The following ZDHHC11 variants were observed in gnomAD, a reference collection of about 807,000 sequenced individuals.
ZDHHC11 encodes zDHHC palmitoyltransferase 11.
Under a neutral mutation model 51.3 loss-of-function variants are expected in ZDHHC11, and 44 were observed. The ratio of observed to expected loss-of-function variants is 0.86; its 90% CI spans 0.67 to 1.10. ZDHHC11 has a LOEUF of 1.10. Ranked by LOEUF, ZDHHC11 falls within the 50% of genes least tolerant of loss-of-function variation. The probability of loss-of-function intolerance (pLI) is 0.00; values close to 1 mark genes in which losing one functional copy is unlikely to be tolerated. For synonymous variants in ZDHHC11, 163 were observed against 222.0 expected (o/e 0.73, Z 2.36); for missense variants, 400 against 537.7 (o/e 0.74, Z 2.53).
At chr5:821,822 C>G (rs375959493) in intron 9 of ZDHHC11, 39 bp downstream of exon 9, 1 of 1,555,396 alleles carries the variant, frequency 6.4e-7, no homozygotes, top group Non-Finnish European at 8.8e-7. Flanking sequence ...AACTATGTTA[C>G]TAATAGATAA....
In ZDHHC11 at chr5:849,358, A is replaced by T. The variant is rs191145987; in HGVS notation, c.223-698T>A. On this transcript the variant is annotated intron_variant, in intron 1 of 12. Transcript: ENST00000283441. ...TTGAGGGACAGAGCAGGGCCACAGGAGGGACATCCCAGGTATAAACACAGC... is the reference window on the plus strand; with the variant it reads ...TTGAGGGACAGAGCAGGGCCACAGGTGGGACATCCCAGGTATAAACACAGC... 3.3e-5 allele frequency among the ~76,000 whole-genome samples: 5 copies of T among 152,210 alleles called. No homozygotes were observed. The East Asian group carries it at 7.7e-4, about 24-fold the overall frequency.
intron 5 of ZDHHC11, among the ~76,000 whole-genome samples, chr5:838,847 A>AC (rs1456862638): frequency 6.8e-6 from 1 of 147,682 alleles, no homozygotes; most frequent in Admixed American, 6.6e-5. Context: ...GGCCTGCAGC[A>AC]CCCCACGTGC....
Position 857,346 on chromosome 5 carries a change from T to C in ZDHHC11, c.-1+1528A>G, listed in dbSNP as rs146543456. On this transcript the variant is annotated intron_variant, in intron 1 of 3. Coordinates refer to the ZDHHC11 transcript ENST00000685990. Reference sequence around the variant, plus strand: ...TTCTCAGACTGGGACTCCATCCTTCTCTGCACCACCACACATGAGAACCAG... The same window carrying C: ...TTCTCAGACTGGGACTCCATCCTTCCCTGCACCACCACACATGAGAACCAG... Among the ~76,000 whole-genome samples the C allele has an allele frequency of 2.9e-3, 444 of 152,278 alleles. 3 individuals carry two copies. Among genetic ancestry groups the C allele is most frequent in the African/African-American group, 0.01 (426 of 41,532 alleles).
intron 11 of ZDHHC11, 90 bp from the exon 12 acceptor site, chr5:801,254 A>G: frequency 2.0e-6 from 3 of 1,509,552 alleles, no homozygotes; most frequent in Admixed American, 3.6e-5. Flanking sequence ...TGTAAACAAG[A>G]GTACATTTTA....
chr5:860,029 G>T (rs990762549), upstream of ZDHHC11, among the ~76,000 whole-genome samples: 11 of 152,226 alleles, frequency 7.2e-5, no homozygotes, highest in African/African-American at 2.7e-4. The surrounding 1 kb of genome is among the most constrained non-coding windows in gnomAD (Gnocchi z 4.2). Context: ...GCCGGCTGAA[G>T]CCTGCTGGGT....
intron 6 of ZDHHC11, among the ~76,000 whole-genome samples, chr5:834,794 A>G (rs1027013524): frequency 3.3e-5 from 5 of 152,040 alleles, no homozygotes; most frequent in Non-Finnish European, 5.9e-5. Context: ...TTTTAGCAAT[A>G]AAGCACTTTT....
rs566153238 is a variant in ZDHHC11, at chr5:805,645, A to G, written c.1182-4481T>C. ...ATATATATGATATACACAATGCAAAAAGCTAAATAGCAGAAGTGAATCATT... is the reference window on the plus strand; with the variant it reads ...ATATATATGATATACACAATGCAAAGAGCTAAATAGCAGAAGTGAATCATT... On this transcript the variant is annotated intron_variant, in intron 11 of 12. Transcript: ENST00000283441. Among the ~76,000 whole-genome samples, 4 of 151,418 alleles carry G rather than the reference A, an allele frequency of 2.6e-5. No individual in the cohort carries two copies. In the East Asian group the frequency reaches 5.8e-4, roughly 22 times the overall value.
rs759593837 is a variant in ZDHHC11 at position 850,747 on chromosome 5, G to A, written c.-145C>T. 10 of 992,184 alleles carry A rather than the reference G, an allele frequency of 1.0e-5. No individual in the cohort carries two copies. The highest frequency in any genetic ancestry group is 2.6e-5 in the Admixed American group (1 of 38,670). The allele number at this position is 992,184 out of a possible 1,614,324, so 61.5% of individuals were successfully genotyped here. ...ATGGCCCAGCACTGCCTGGGGCCAC[G>A]TTCCCCGCAGAGGGAGCAGGGGCTG... is the stretch of plus-strand genomic sequence containing the variant. On this transcript the variant is annotated 5_prime_UTR_variant, in exon 1 of 13. The change creates a new upstream start codon in the 5' untranslated region. Transcript: ENST00000283441.
chr5:841,835 A>G, intron 4 of ZDHHC11: 2 of 993,646 alleles, frequency 2.0e-6, no homozygotes, highest in Non-Finnish European at 2.4e-6. Flanking sequence ...AGAGGGATGG[A>G]TTCAGCATGG....
chr5:857,812 CCT>C (rs373776930), intron 1 of ZDHHC11, among the ~76,000 whole-genome samples: 16 of 147,300 alleles, frequency 1.1e-4, no homozygotes, highest in South Asian at 4.4e-4. Context: ...ACCGTGGTCC[CCT>C]GAGTCTGTCC....
chr5:837,649 T>C (rs1744085284), intron 5 of ZDHHC11, among the ~76,000 whole-genome samples, 169 bp from the exon 6 acceptor site: 1 of 151,626 alleles, frequency 6.6e-6, no homozygotes, highest in Non-Finnish European at 1.5e-5. Context: ...TGCAGGTGCC[T>C]TGTGGGCCCA....
chr5:807,806 G>A (rs1739479344), intron 11 of ZDHHC11, among the ~76,000 whole-genome samples: 2 of 151,340 alleles, frequency 1.3e-5, no homozygotes, highest in South Asian at 4.2e-4. Flanking sequence ...AGGTCTGTCT[G>A]ATGCCAAAGT....
At chr5:856,656 C>T (rs1387353666) in intron 1 of ZDHHC11, among the ~76,000 whole-genome samples, 6 of 151,470 alleles carry the variant, frequency 4.0e-5, no homozygotes, top group African/African-American at 1.5e-4. Flanking sequence ...CCACACACTG[C>T]ACGTGCACCA....
chr5:843,934 GGGCGGGGGCA>G (rs1745604849), intron 3 of ZDHHC11, among the ~76,000 whole-genome samples: 2 of 94,806 alleles, frequency 2.1e-5, no homozygotes, highest in African/African-American at 9.2e-5. Flanking sequence ...TCTGAGGCAG[GGGCGGGGGCA>G]TGCAGGGCAG....
At position 819,685 on chromosome 5, in the gene ZDHHC11, A is replaced by G. The variant is rs1435135026; in HGVS notation, c.1059-73T>C. The stretch of plus-strand genomic sequence containing the variant: ...CGCTCAGGATGGCACTGGAGGCTAC[A>G]GTGTGTCCTGTAAGCACCACTGCAG... On this transcript the variant is annotated intron_variant, in intron 9 of 12. Transcript: ENST00000283441. The G allele has an allele frequency of 4.7e-6, 7 of 1,491,386 alleles. 1 individual carries two copies. The highest frequency in any genetic ancestry group is 6.5e-6 in the Non-Finnish European group (7 of 1,071,336). The allele number at this position is 1,491,386 out of a possible 1,614,324, so 92.4% of individuals were successfully genotyped here. A position where few individuals can be genotyped will look rare whatever the true frequency, so the allele number is the denominator to read the frequency against.
chr5:803,942 A>C (rs1738855561), intron 11 of ZDHHC11, among the ~76,000 whole-genome samples: 1 of 150,112 alleles, frequency 6.7e-6, no homozygotes, highest in Non-Finnish European at 1.5e-5. Flanking sequence ...GAAATTATCC[A>C]GTCTTAGGAC....
chr5:825,814 C>T (rs1742285543), intron 7 of ZDHHC11, among the ~76,000 whole-genome samples: 1 of 152,242 alleles, frequency 6.6e-6, no homozygotes, highest in Admixed American at 6.5e-5. Context: ...CAACTCATGA[C>T]AGAACAACCC....
rs139634231 is a variant in ZDHHC11 at position 824,060 on chromosome 5, C to T, written c.1023+1104G>A. On this transcript the variant is annotated intron_variant, in intron 8 of 12. Coordinates refer to ENST00000283441, the MANE Select transcript of ZDHHC11 (RefSeq NM_024786.3). ...TATTTCCAAGTCACAGGAGCCTGTTCCCTGAAATCCTGGGGAAGTGTGGTG... is the reference window on the plus strand; with the variant it reads ...TATTTCCAAGTCACAGGAGCCTGTTTCCTGAAATCCTGGGGAAGTGTGGTG... The T allele has an allele frequency of 6.0e-3, 2,712 of 454,764 alleles. 65 individuals are homozygous for T. The highest frequency in any genetic ancestry group is 0.047 in the African/African-American group (2,321 of 49,758). 28.2% of individuals were successfully genotyped at this position (454,764 alleles called of 1,614,324 possible).
intron 7 of ZDHHC11, among the ~76,000 whole-genome samples, chr5:833,185 T>C (rs1743285585): frequency 6.6e-6 from 1 of 152,294 alleles, no homozygotes; most frequent in African/African-American, 2.4e-5. Flanking sequence ...TTTTGAGAAG[T>C]CATCAGAAAG....
Sources: allele counts gnomAD v4.1 joint callset (sites outside exome capture counted in the v4.1 genomes callset), GRCh38; gene constraint gnomAD v4.1.1; non-coding constraint Gnocchi (gnomAD v3.1); transcripts MANE v1.5; gene names NCBI Gene and HGNC (gene_info 2026-07-23, HGNC 2026-07-21).